PMM2: variants seen among roughly 807,000 people sequenced by gnomAD.
PMM2 encodes the protein phosphomannomutase 2.
In PMM2, 35 loss-of-function variants were observed where a neutral mutation model predicts 33.2. The observed-to-expected ratio is 1.06, with a 90% CI of 0.81 to 1.40. The LOEUF is 1.40. Ranked by LOEUF, PMM2 falls within the 40% of genes most tolerant of loss-of-function variation. The pLI is 0.00. For missense variants in PMM2, 386 were observed against 306.0 expected, an observed-to-expected ratio of 1.26 and a Z score of -1.95; for synonymous variants, 153 against 114.7, an observed-to-expected ratio of 1.33 and a Z score of -2.13.
At chr16:8,840,674 A>AG (rs892495280) in intron 7 of PMM2, among the ~76,000 whole-genome samples, 24 of 152,024 alleles carry the variant, frequency 1.6e-4, no homozygotes, top group African/African-American at 5.3e-4. Flanking sequence ...GAGGAAGAGG[A>AG]GGGATTAGGC....
At chr16:8,844,147 G>C (rs1382652699) in intron 7 of PMM2, among the ~76,000 whole-genome samples, 3 of 152,228 alleles carry the variant, frequency 2.0e-5, no homozygotes, top group Non-Finnish European at 4.4e-5. Context: ...TGTCGAGTTT[G>C]TATTGGGGTC....
At position 8,848,712 on chromosome 16, in the gene PMM2, G is replaced by C. The variant is rs1391733724; in HGVS notation, c.*887G>C. The C allele has an allele frequency of 6.6e-6, 1 of 152,276 alleles. No individual in the cohort carries two copies. The highest frequency in any genetic ancestry group is 1.5e-5 in the Non-Finnish European group (1 of 68,106). The allele number at this position is 152,276 out of a possible 1,614,324, so 9.4% of individuals were successfully genotyped here. The stretch of plus-strand genomic sequence containing the variant: ...CTGGTTGCCCCTGGCTGGCTTCCTG[G>C]AGGCGTTCGCCTCTAGTTTCTCAGG... On this transcript the variant is annotated 3_prime_UTR_variant, in exon 8 of 8. Transcript: ENST00000268261.
intron 3 of PMM2, among the ~76,000 whole-genome samples, chr16:8,806,087 T>C (rs1254272277): frequency 1.3e-5 from 2 of 152,168 alleles, no homozygotes; most frequent in East Asian, 1.9e-4. Context: ...ACAAAAATCT[T>C]GGGTGATGAA....
intron 7 of PMM2, among the ~76,000 whole-genome samples, chr16:8,828,028 T>TTC (rs1399247210): frequency 1.0e-5 from 1 of 96,444 alleles, no homozygotes; most frequent in Non-Finnish European, 2.2e-5. Context: ...TAGAACTCTT[T>TTC]TTTTTTTTTT....
chr16:8,846,488 G>C (rs1220203331), intron 7 of PMM2, among the ~76,000 whole-genome samples: 1 of 152,132 alleles, frequency 6.6e-6, no homozygotes, highest in Admixed American at 6.5e-5. Flanking sequence ...GCAGGGCTCG[G>C]GGTTGCGGGA....
chr16:8,822,868 T>A (rs2060745647), intron 7 of PMM2, among the ~76,000 whole-genome samples: 2 of 152,224 alleles, frequency 1.3e-5, no homozygotes, highest in African/African-American at 4.8e-5. Context: ...TCTATAGTTT[T>A]AACAAATGAG....
In PMM2 at chr16:8,815,830, TCTGCA is replaced by T. The variant is rs2060705055; in HGVS notation, c.639+2726_639+2730del. 3.9e-5 allele frequency among the ~76,000 whole-genome samples: 6 copies of T among 152,212 alleles called. No homozygotes were observed. The South Asian group carries it at 1.2e-3, about 32-fold the overall frequency. On this transcript the variant is annotated intron_variant, in intron 7 of 7. Transcript: ENST00000268261. ...TTGGACAACGTCAAACTAAAAAGTG[TCTGCA>T]CAGCAAGGGAAATAATCAGAATGAA... is the stretch of plus-strand genomic sequence containing the variant.
intron 7 of PMM2, among the ~76,000 whole-genome samples, chr16:8,837,798 C>A (rs929007116): frequency 6.6e-6 from 1 of 151,980 alleles, no homozygotes; most frequent in African/African-American, 2.4e-5. Flanking sequence ...TGGTCTGACA[C>A]CTTTGAAACG....
At chr16:8,844,864 A>C (rs1297924192) in intron 7 of PMM2, among the ~76,000 whole-genome samples, 1 of 152,226 alleles carries the variant, frequency 6.6e-6, no homozygotes, top group East Asian at 1.9e-4. Context: ...AGAAGAGAGT[A>C]AAAAGAGGCT....
At chr16:8,835,000 C>A (rs1372152686) in intron 7 of PMM2, among the ~76,000 whole-genome samples, 1 of 151,908 alleles carries the variant, frequency 6.6e-6, no homozygotes, top group African/African-American at 2.4e-5. Context: ...AAAGTATATG[C>A]ATCAGGTATG....
intron 7 of PMM2, among the ~76,000 whole-genome samples, chr16:8,822,717 T>C (rs1054063499): frequency 1.3e-5 from 2 of 152,236 alleles, no homozygotes; most frequent in African/African-American, 4.8e-5. Flanking sequence ...TCTAGCTTCT[T>C]TCTGCTGACA....
At chr16:8,836,161 AGT>A (rs2060844856) in intron 7 of PMM2, among the ~76,000 whole-genome samples, 1 of 137,964 alleles carries the variant, frequency 7.2e-6, no homozygotes, top group South Asian at 2.4e-4. Flanking sequence ...GGTAATGTGG[AGT>A]GGGTAGCCTC....
At chr16:8,807,287 G>A (rs1327397311) in intron 4 of PMM2, among the ~76,000 whole-genome samples, 2 of 151,856 alleles carry the variant, frequency 1.3e-5, no homozygotes, top group South Asian at 4.2e-4. Flanking sequence ...TGTCAAAGGC[G>A]TGAGCCACCT....
In PMM2 at chr16:8,823,533, T is replaced by A. The variant is rs2060749962; in HGVS notation, c.639+10427T>A. 3.9e-5 allele frequency among the ~76,000 whole-genome samples: 6 copies of A among 151,988 alleles called. No homozygotes were observed. In the Admixed American group the frequency reaches 4.0e-4, roughly 10 times the overall value. On this transcript the variant is annotated intron_variant, in intron 7 of 7. Coordinates refer to ENST00000268261, the MANE Select transcript of PMM2 (RefSeq NM_000303.3). ...TTACTTGCAAAATAAGTCATAGTCTTATTAAGCTTGGCCTGATTATTTGTA... is the reference window on the plus strand; with the variant it reads ...TTACTTGCAAAATAAGTCATAGTCTAATTAAGCTTGGCCTGATTATTTGTA...
chr16:8,804,022 G>GTTTTTTTTTTTTTTTTTTTTTTTTTTT (rs770345977), intron 2 of PMM2, among the ~76,000 whole-genome samples: 1 of 25,992 alleles, frequency 3.8e-5, no homozygotes, highest in African/African-American at 1.3e-4. Flanking sequence ...TGTTTTTTGG[G>GTTTTTTTTTTTTTTTTTTTTTTTTTTT]TTTTTTTTGT....
intron 7 of PMM2, chr16:8,832,965 C>CCCGACCACACCACAGGCT: frequency 6.2e-6 from 6 of 963,684 alleles, no homozygotes; most frequent in Non-Finnish European, 4.9e-6. Context: ...TGACTGGTCT[C>CCCGACCACACCACAGGCT]CCCAGGGCAG....
At chr16:8,798,943 T>C (rs957523174) in intron 1 of PMM2, among the ~76,000 whole-genome samples, 1 of 152,204 alleles carries the variant, frequency 6.6e-6, no homozygotes, top group Non-Finnish European at 1.5e-5. Context: ...AGGTTTGATT[T>C]ACCTAGTGAT....
Position 8,804,146 on chromosome 16 carries a change from C to T in PMM2, c.179-621C>T, listed in dbSNP as rs568065247. Among the ~76,000 whole-genome samples the T allele has an allele frequency of 4.8e-5, 7 of 145,874 alleles. No individual in the cohort carries two copies. The South Asian group carries it at 1.3e-3, about 28-fold the overall frequency. On this transcript the variant is annotated intron_variant, in intron 2 of 7. Transcript: ENST00000268261. ...CTCTGCCTCCTGGGTTCAAGCAATT[C>T]TCCTGCCTCAGCCTCCGGAGTAGCT...
chr16:8,804,038 T>TTTTTTTTG (rs1555449115), intron 2 of PMM2, among the ~76,000 whole-genome samples: 24 of 43,364 alleles, frequency 5.5e-4, no homozygotes, highest in African/African-American at 1.3e-3. Flanking sequence ...TTTGTTTTTT[T>TTTTTTTTG]TTTTTTTTTT....
Sources: gnomAD v4.1 joint callset for allele counts (sites outside exome capture counted in the v4.1 genomes callset) on GRCh38, gnomAD v4.1.1 for gene constraint, MANE v1.5 for transcripts, NCBI Gene and HGNC (gene_info 2026-07-23, HGNC 2026-07-21) for gene names.